USP34: variants seen among roughly 807,000 people sequenced by gnomAD.
The protein encoded by USP34 is ubiquitin carboxyl-terminal hydrolase 34.
In USP34, 70 loss-of-function variants were observed where a neutral mutation model predicts 460.3. The ratio of observed to expected loss-of-function variants is 0.15; its 90% CI spans 0.13 to 0.19. The LOEUF is 0.19. Among genes scored for constraint, USP34 ranks in the 10% least tolerant of loss-of-function variants. The pLI is 1.00. For missense variants in USP34, 3,985 were observed against 4,236.2 expected, an observed-to-expected ratio of 0.94 and a Z score of 1.65; for synonymous variants, 1,647 against 1,405.3, an observed-to-expected ratio of 1.17 and a Z score of -3.85.
chr2:61,468,482 C>T (rs930428566), intron 1 of USP34, among the ~76,000 whole-genome samples: 4 of 152,132 alleles, frequency 2.6e-5, no homozygotes, highest in Admixed American at 2.6e-4. Context: ...TGCGCCTGGC[C>T]GTAAATTTTT....
chr2:61,353,532 C>T (rs1304012034), intron 10 of USP34, among the ~76,000 whole-genome samples: 2 of 151,778 alleles, frequency 1.3e-5, no homozygotes, highest in Admixed American at 6.6e-5. Flanking sequence ...GCTGGGACCA[C>T]AGGTGTGTGC....
intron 5 of USP34, among the ~76,000 whole-genome samples, chr2:61,394,346 G>T (rs193185498): frequency 2.6e-5 from 4 of 151,844 alleles, no homozygotes; most frequent in Admixed American, 2.0e-4. Context: ...AGAATCCCAG[G>T]AAGATCAAGT....
At chr2:61,381,118 CTTGT>C (rs1368100261) in intron 6 of USP34, among the ~76,000 whole-genome samples, 1 of 151,840 alleles carries the variant, frequency 6.6e-6, no homozygotes, top group Non-Finnish European at 1.5e-5. Context: ...CCTTTGTTCA[CTTGT>C]TTATCTGCTG....
chr2:61,408,855 C>T (rs1299378741), intron 2 of USP34, among the ~76,000 whole-genome samples: 4 of 151,836 alleles, frequency 2.6e-5, no homozygotes, highest in African/African-American at 9.7e-5. Flanking sequence ...ATCACGCCCC[C>T]TGCACTCCAG....
rs77643422 is a variant in USP34 at position 61,203,353 on chromosome 2, T to C, written c.9385-90A>G. 40 of 1,216,586 alleles carry C rather than the reference T, an allele frequency of 3.3e-5. No homozygotes were observed. In the African/African-American group the frequency reaches 5.6e-4, roughly 17 times the overall value. The allele number at this position is 1,216,586 out of a possible 1,614,324, so 75.4% of individuals were successfully genotyped here. ...AATGTAATAAGTTTAACTAAAAAGC[T>C]GATTCAATATTTATATTCTATAAGA... is the stretch of plus-strand genomic sequence containing the variant. On this transcript the variant is annotated intron_variant, in intron 74 of 79. Coordinates refer to ENST00000398571, the MANE Select transcript of USP34 (RefSeq NM_014709.4).
intron 15 of USP34, among the ~76,000 whole-genome samples, chr2:61,344,770 T>C (rs1572953379): frequency 1.3e-5 from 2 of 152,320 alleles, no homozygotes; most frequent in Admixed American, 6.5e-5. Context: ...AATGTTTGTA[T>C]CTATAATGCA....
chr2:61,467,862 C>G (rs1045256836), intron 1 of USP34, among the ~76,000 whole-genome samples: 2 of 151,928 alleles, frequency 1.3e-5, no homozygotes, highest in African/African-American at 2.4e-5. Context: ...ACCTTGTGAT[C>G]CGCCCACCTC....
chr2:61,231,607 C>G (rs1317833971), intron 58 of USP34, among the ~76,000 whole-genome samples: 1 of 151,334 alleles, frequency 6.6e-6, no homozygotes, highest in African/African-American at 2.4e-5. Context: ...TCCAGCTACT[C>G]AGGAGGCTGA....
chr2:61,309,260 C>G (rs1217129990), intron 27 of USP34, among the ~76,000 whole-genome samples: 1 of 152,116 alleles, frequency 6.6e-6, no homozygotes, highest in East Asian at 1.9e-4. Flanking sequence ...AAAAACATTC[C>G]TCTGTCAGTT....
chr2:61,421,304 TCA>T (rs1217699034), intron 1 of USP34, among the ~76,000 whole-genome samples: 1 of 152,198 alleles, frequency 6.6e-6, no homozygotes, highest in Non-Finnish European at 1.5e-5. Flanking sequence ...GGTACTCCTC[TCA>T]GAGGTATCAG....
rs1045557553 is a variant in USP34 at position 61,301,449 on chromosome 2, G to A, written c.3823C>T (p.Leu1275Phe). 2 of 1,609,202 alleles carry A rather than the reference G, an allele frequency of 1.2e-6. No individual in the cohort carries two copies. Among genetic ancestry groups the A allele is most frequent in the Non-Finnish European group, 8.5e-7 (1 of 1,178,766 alleles). The change falls in exon 28 of 80, where the codon CTC (leucine) becomes TTC (phenylalanine). Residue 1275 changes from leucine to phenylalanine, a missense_variant. Coordinates refer to ENST00000398571, the MANE Select transcript of USP34 (RefSeq NM_014709.4). Reference sequence around the variant, plus strand: ...GAAATCATCCTGACAGGTCCCATGAGGCCTCCTTAAAAACAGCAAAACATG... The same window carrying A: ...GAAATCATCCTGACAGGTCCCATGAAGCCTCCTTAAAAACAGCAAAACATG... ...SNRKGEFPGG[L>F]MGPVRMISSG...
At chr2:61,275,283 A>G (rs1334463582) in intron 41 of USP34, among the ~76,000 whole-genome samples, 1 of 152,068 alleles carries the variant, frequency 6.6e-6, no homozygotes, top group African/African-American at 2.4e-5. Context: ...CGTCTCAAAG[A>G]TAATAACAAT....
At chr2:61,421,907 T>G (rs1558585060) in intron 1 of USP34, among the ~76,000 whole-genome samples, 1 of 152,096 alleles carries the variant, frequency 6.6e-6, no homozygotes, top group Non-Finnish European at 1.5e-5. Flanking sequence ...ACTAGGAGGT[T>G]GGAAGATTCC....
chr2:61,451,311 T>C (rs1695269950), intron 1 of USP34, among the ~76,000 whole-genome samples: 1 of 148,690 alleles, frequency 6.7e-6, no homozygotes, highest in Non-Finnish European at 1.5e-5. Flanking sequence ...AATTATAAAG[T>C]GACTAAATTA....
At chr2:61,284,513 A>G (rs1689630338) in intron 35 of USP34, among the ~76,000 whole-genome samples, 1 of 152,204 alleles carries the variant, frequency 6.6e-6, no homozygotes, top group Non-Finnish European at 1.5e-5. Context: ...TATGAACTAT[A>G]TGTTAGATAA....
chr2:61,298,734 G>A (rs931991250), intron 29 of USP34, among the ~76,000 whole-genome samples: 11 of 150,212 alleles, frequency 7.3e-5, no homozygotes, highest in Non-Finnish European at 1.5e-5. Context: ...TAAAAGCCCA[G>A]AAAAGAGCTC....
At chr2:61,305,341 T>C (rs556013718) in intron 27 of USP34, among the ~76,000 whole-genome samples, 1 of 150,710 alleles carries the variant, frequency 6.6e-6, no homozygotes, top group East Asian at 2.0e-4. Flanking sequence ...TTTACAGACA[T>C]AAACTGACAA....
In USP34 at chr2:61,236,317, A is replaced by G; in HGVS notation, c.6842+8T>C. The G allele has an allele frequency of 6.2e-7, 1 of 1,602,970 alleles. No homozygotes were observed. Among genetic ancestry groups the G allele is most frequent in the South Asian group, 1.1e-5 (1 of 88,514 alleles). On this transcript the variant is annotated splice_region_variant and intron_variant, in intron 54 of 79. Coordinates refer to ENST00000398571, the MANE Select transcript of USP34 (RefSeq NM_014709.4). ...TAAAATATCTACTATGAAATTTACC[A>G]AACTTACCCAAAATATGTATGTTCA...
At position 61,257,064 on chromosome 2, in the gene USP34, A is replaced by G. The variant is rs1233608067; in HGVS notation, c.6036T>C (p.Asn2012=). 5.7e-6 allele frequency: 9 copies of G among 1,576,140 alleles called. No homozygotes were observed. Among genetic ancestry groups the G allele is most frequent in the East Asian group, 2.2e-5 (1 of 44,582 alleles). Residue 2012 remains asparagine, a synonymous_variant, in exon 46 of 80, where the codon AAT becomes AAC. Coordinates refer to ENST00000398571, the MANE Select transcript of USP34 (RefSeq NM_014709.4). ...KSLFGGVITN[N]VVSLDCEHVS... ...GTATAATACTTACCAAGGATACAACATTGTTTGTAATTACACCTCCAAATA... is the reference window on the plus strand; with the variant it reads ...GTATAATACTTACCAAGGATACAACGTTGTTTGTAATTACACCTCCAAATA...
Sources: allele counts gnomAD v4.1 joint callset (sites outside exome capture counted in the v4.1 genomes callset), GRCh38; gene constraint gnomAD v4.1.1; transcripts MANE v1.5; gene names NCBI Gene and HGNC (gene_info 2026-07-23, HGNC 2026-07-21).